Variants in ST18 observed in about 807,000 individuals in gnomAD.
ST18 encodes ST18 C2H2C-type zinc finger transcription factor.
ST18 carries 50 observed loss-of-function variants against 110.0 expected under a neutral mutation model. That is an observed-to-expected ratio of 0.45 (90% CI 0.36 to 0.58). The LOEUF (loss-of-function observed/expected upper bound fraction) is 0.58, where lower values mean the gene tolerates loss of function less well. ST18 is among the 20% of genes least tolerant of loss of function. The probability of loss-of-function intolerance (pLI) is 0.00; values close to 1 mark genes in which losing one functional copy is unlikely to be tolerated. For synonymous variants in ST18, 461 were observed against 452.4 expected (o/e 1.02, Z -0.24); for missense variants, 1,306 against 1,280.1 (o/e 1.02, Z -0.31).
intron 4 of ST18, among the ~76,000 whole-genome samples, 152 bp from the exon 5 acceptor site, chr8:52,221,000 A>T (rs2086435152): frequency 6.6e-6 from 1 of 152,232 alleles, no homozygotes; most frequent in Non-Finnish European, 1.5e-5. Context: ...GACAATTTTT[A>T]TACTATGTAT....
intron 2 of ST18, among the ~76,000 whole-genome samples, chr8:52,287,713 C>T (rs1186304814): frequency 6.6e-6 from 1 of 152,184 alleles, no homozygotes; most frequent in Non-Finnish European, 1.5e-5. Context: ...CAGGCAACCC[C>T]AGGTAGAACT....
Position 52,268,052 on chromosome 8 carries a change from C to T in ST18, c.-464-37975G>A, listed in dbSNP as rs185513982. ...TTTGTTTACCCTCATCAGCAAGTTC[C>T]CTTTGGGAAGAATAGAATGCATTAG... On this transcript the variant is annotated intron_variant, in intron 2 of 25. Transcript: ENST00000689386. Among the ~76,000 whole-genome samples the T allele has an allele frequency of 3.4e-3, 520 of 152,248 alleles. 6 individuals carry two copies. Among genetic ancestry groups the T allele is most frequent in the African/African-American group, 0.012 (487 of 41,530 alleles).
chr8:52,348,589 A>G (rs1463317612), intron 2 of ST18, among the ~76,000 whole-genome samples: 1 of 152,150 alleles, frequency 6.6e-6, no homozygotes, highest in African/African-American at 2.4e-5. Context: ...TACTAAAAAT[A>G]CAAAATTATC....
At chr8:52,381,006 T>C (rs757486088) in intron 2 of ST18, among the ~76,000 whole-genome samples, 2 of 152,162 alleles carry the variant, frequency 1.3e-5, no homozygotes, top group Non-Finnish European at 2.9e-5. Flanking sequence ...CAGCTGCAAA[T>C]ACAGCAAGTG....
chr8:52,338,874 A>T (rs971607775), intron 2 of ST18, among the ~76,000 whole-genome samples: 31 of 152,036 alleles, frequency 2.0e-4, no homozygotes, highest in African/African-American at 7.5e-4. Context: ...AATAGCTGAG[A>T]CTACAGGCAC....
chr8:52,207,659 A>T (rs1303940832), intron 8 of ST18, among the ~76,000 whole-genome samples: 1 of 152,336 alleles, frequency 6.6e-6, no homozygotes, highest in East Asian at 1.9e-4. Context: ...TAAAACTTTC[A>T]TTACCAAACT....
intron 18 of ST18, among the ~76,000 whole-genome samples, chr8:52,136,963 C>G (rs1012108490): frequency 6.6e-6 from 1 of 152,114 alleles, no homozygotes; most frequent in African/African-American, 2.4e-5. Flanking sequence ...TGCTGCACAG[C>G]CAGGTGATGG....
At chr8:52,362,842 G>A (rs983635963) in intron 2 of ST18, among the ~76,000 whole-genome samples, 6 of 152,046 alleles carry the variant, frequency 3.9e-5, no homozygotes, top group South Asian at 4.2e-4. Flanking sequence ...GGTCCACATC[G>A]TCTGGACTTC....
chr8:52,259,241 C>G (rs548428306), intron 2 of ST18, among the ~76,000 whole-genome samples: 2 of 152,298 alleles, frequency 1.3e-5, no homozygotes, highest in African/African-American at 4.8e-5. Context: ...GCTGGAGAGG[C>G]CAAACTGCAA....
At chr8:52,374,972 C>T (rs147707208) in intron 2 of ST18, among the ~76,000 whole-genome samples, 70 of 152,230 alleles carry the variant, frequency 4.6e-4, no homozygotes, top group African/African-American at 1.6e-3. Context: ...TGCACTTACC[C>T]GAAGGCTGCA....
At chr8:52,129,440 T>G in intron 22 of ST18, among the ~76,000 whole-genome samples, 2 of 113,756 alleles carry the variant, frequency 1.8e-5, no homozygotes, top group Non-Finnish European at 3.3e-5. Flanking sequence ...GGTGACAGAG[T>G]GAGACTCCAT....
Position 52,298,198 on chromosome 8 carries a change from A to C in ST18, c.-464-68121T>G, listed in dbSNP as rs2095663120. 1.1e-4 allele frequency among the ~76,000 whole-genome samples: 16 copies of C among 152,212 alleles called. 1 individual carries two copies. In the South Asian group the frequency reaches 3.3e-3, roughly 32 times the overall value. ...TACATTTCAGTGCTGCACATATTTCACTGGCCAGAGTGCAGTTATTGGCTC... is the reference window on the plus strand; with the variant it reads ...TACATTTCAGTGCTGCACATATTTCCCTGGCCAGAGTGCAGTTATTGGCTC... On this transcript the variant is annotated intron_variant, in intron 2 of 25. Transcript: ENST00000689386.
intron 2 of ST18, among the ~76,000 whole-genome samples, chr8:52,344,418 G>C (rs199568512): frequency 7.4e-6 from 1 of 134,418 alleles, no homozygotes; most frequent in Non-Finnish European, 1.6e-5. Context: ...TTTTTTTTTT[G>C]AAATGGAGTT....
chr8:52,367,090 G>A (rs1828269743), intron 2 of ST18, among the ~76,000 whole-genome samples: 1 of 152,146 alleles, frequency 6.6e-6, no homozygotes, highest in Non-Finnish European at 1.5e-5. Context: ...AAATTAGCTG[G>A]GCGTGGTGGT....
intron 2 of ST18, among the ~76,000 whole-genome samples, chr8:52,247,910 A>G (rs1035420731): frequency 6.6e-6 from 1 of 152,206 alleles, no homozygotes; most frequent in Non-Finnish European, 1.5e-5. Flanking sequence ...TCTTCACAAA[A>G]TTTATTGCCT....
At chr8:52,138,796 A>T (rs2053594985) in intron 17 of ST18, among the ~76,000 whole-genome samples, 1 of 152,216 alleles carries the variant, frequency 6.6e-6, no homozygotes, top group South Asian at 2.1e-4. Context: ...CCAGTCACGC[A>T]TCTGATCTTT....
chr8:52,305,675 C>T (rs1405341947), intron 2 of ST18, among the ~76,000 whole-genome samples: 1 of 152,192 alleles, frequency 6.6e-6, no homozygotes, highest in East Asian at 1.9e-4. Context: ...GCCTCCCTGA[C>T]CTCTGTCTTT....
chr8:52,156,231 C>T (rs920675625), intron 15 of ST18, among the ~76,000 whole-genome samples: 11 of 152,162 alleles, frequency 7.2e-5, no homozygotes, highest in African/African-American at 1.9e-4. Context: ...AACCTGTGGC[C>T]GGGGCAGTCC....
At position 52,118,403 on chromosome 8, in the gene ST18, C is replaced by T. The variant is rs747731595; in HGVS notation, c.2794G>A (p.Glu932Lys). 2.2e-5 allele frequency: 35 copies of T among 1,611,360 alleles called. No homozygotes were observed. Among genetic ancestry groups the T allele is most frequent in the Non-Finnish European group, 2.9e-5 (34 of 1,178,986 alleles). ...TTGGATTCATTCAGTTCCTTTATTTCTTCATCCAAATGCCTAATTTCTTCA... is the reference window on the plus strand; with the variant it reads ...TTGGATTCATTCAGTTCCTTTATTTTTTCATCCAAATGCCTAATTTCTTCA... The part of the protein sequence containing the change: ...SDEEIRHLDE[E>K]IKELNESNLK... Residue 932 changes from glutamate to lysine, a missense_variant, in exon 24 of 26, where the codon GAA becomes AAA. Glu to Lys is a moderately conservative substitution (Grantham distance 56, BLOSUM62 1). Coordinates refer to ENST00000689386, the MANE Select transcript of ST18 (RefSeq NM_001352837.2).
Sources: allele counts gnomAD v4.1 joint callset (sites outside exome capture counted in the v4.1 genomes callset), GRCh38; gene constraint gnomAD v4.1.1; transcripts MANE v1.5; gene names NCBI Gene and HGNC (gene_info 2026-07-23, HGNC 2026-07-21).